LRRC72: variants seen among roughly 807,000 people sequenced by gnomAD.
LRRC72 encodes leucine-rich repeat-containing protein 72.
A neutral mutation model predicts 35.8 loss-of-function variants in LRRC72; 41 were observed. The ratio of observed to expected loss-of-function variants is 1.15; its 90% confidence interval spans 0.89 to 1.49. LRRC72 has a LOEUF of 1.49. Among genes scored for constraint, LRRC72 ranks in the 40% most tolerant of loss-of-function variants. LRRC72 has a pLI of 0.00. For synonymous variants in LRRC72, 118 were observed against 119.2 expected, an observed-to-expected ratio of 0.99 and a Z score of 0.07; for missense variants, 389 against 330.7, an observed-to-expected ratio of 1.18 and a Z score of -1.37.
intron 3 of LRRC72, among the ~76,000 whole-genome samples, chr7:16,553,272 T>C (rs1416611230): frequency 6.6e-6 from 1 of 152,190 alleles, no homozygotes; most frequent in Non-Finnish European, 1.5e-5. Context: ...ATTAAAGAGC[T>C]CAGTTATGAT....
intron 3 of LRRC72, among the ~76,000 whole-genome samples, chr7:16,553,891 G>T (rs913651174): frequency 5.3e-5 from 8 of 152,110 alleles, no homozygotes; most frequent in Non-Finnish European, 1.0e-4. Context: ...TAATAATAAT[G>T]GTTAAATAAT....
chr7:16,531,427 C>A (rs56801039), intron 1 of LRRC72, among the ~76,000 whole-genome samples: 1,704 of 152,256 alleles, frequency 0.011, 32 homozygotes, highest in African/African-American at 0.04. Flanking sequence ...CCATCACTAG[C>A]GTACCTATCT....
At chr7:16,576,730 A>T (rs989135097) in intron 7 of LRRC72, among the ~76,000 whole-genome samples, 1 of 152,240 alleles carries the variant, frequency 6.6e-6, no homozygotes, top group Non-Finnish European at 1.5e-5. Context: ...TAAAATACCA[A>T]CAAGCTTTTA....
chr7:16,561,187 C>A (rs1291844908), intron 5 of LRRC72, among the ~76,000 whole-genome samples: 1 of 152,058 alleles, frequency 6.6e-6, no homozygotes, highest in Non-Finnish European at 1.5e-5. Context: ...CAAGAAAGAC[C>A]CAGTCTATAC....
At chr7:16,554,101 G>C (rs1782605178) in intron 3 of LRRC72, among the ~76,000 whole-genome samples, 1 of 152,188 alleles carries the variant, frequency 6.6e-6, no homozygotes, top group Admixed American at 6.5e-5. Flanking sequence ...GGCCGAAGCG[G>C]GCAGATTATC....
chr7:16,565,609 T>A (rs1782816984), intron 5 of LRRC72, among the ~76,000 whole-genome samples: 1 of 152,204 alleles, frequency 6.6e-6, no homozygotes, highest in East Asian at 1.9e-4. Context: ...TCCCAAGGGA[T>A]ATGATGTCAA....
At chr7:16,559,349 G>A (rs537097808) in intron 5 of LRRC72, among the ~76,000 whole-genome samples, 239 of 151,898 alleles carry the variant, frequency 1.6e-3, no homozygotes, top group Non-Finnish European at 2.6e-3. Context: ...AGCCAAGATC[G>A]CGCCACTGGA....
chr7:16,550,887 A>G (rs1267696532), intron 3 of LRRC72, among the ~76,000 whole-genome samples: 1 of 152,188 alleles, frequency 6.6e-6, no homozygotes, highest in African/African-American at 2.4e-5. Flanking sequence ...GAGCTAAGCC[A>G]TGTATTCAGC....
At chr7:16,543,261 C>A (rs1284460645) in intron 3 of LRRC72, among the ~76,000 whole-genome samples, 1 of 152,014 alleles carries the variant, frequency 6.6e-6, no homozygotes, top group Non-Finnish European at 1.5e-5. Flanking sequence ...AAAAACATTG[C>A]CCTGAGATAT....
chr7:16,527,114 A>G, intron 1 of LRRC72, 72 bp downstream of exon 1: 2 of 1,201,078 alleles, frequency 1.7e-6, no homozygotes, highest in Non-Finnish European at 2.4e-6. Flanking sequence ...CTCCTGCCTG[A>G]GGACTCCAGG....
At chr7:16,530,385 TC>T (rs1399372150) in intron 1 of LRRC72, 2 of 152,222 alleles carry the variant, frequency 1.3e-5, no homozygotes, top group Non-Finnish European at 2.9e-5. Flanking sequence ...ATTGGGGCCC[TC>T]AGTGGATTGG....
chr7:16,555,634 T>C (rs370993511), intron 3 of LRRC72, among the ~76,000 whole-genome samples: 5 of 152,100 alleles, frequency 3.3e-5, no homozygotes, highest in East Asian at 3.9e-4. Context: ...TAGCTGGCTA[T>C]GGCGGCATGT....
At chr7:16,550,003 G>T (rs1782520595) in intron 3 of LRRC72, among the ~76,000 whole-genome samples, 1 of 152,174 alleles carries the variant, frequency 6.6e-6, no homozygotes, top group Non-Finnish European at 1.5e-5. Flanking sequence ...AGGGTTGCTT[G>T]AGTCCAGGAG....
At chr7:16,574,434 T>C (rs922775915) in intron 7 of LRRC72, among the ~76,000 whole-genome samples, 2 of 151,968 alleles carry the variant, frequency 1.3e-5, no homozygotes, top group Non-Finnish European at 2.9e-5. Context: ...ATAAAGAAAA[T>C]GTGGCACATA....
At chr7:16,551,980 G>A (rs1348491230) in intron 3 of LRRC72, among the ~76,000 whole-genome samples, 1 of 152,126 alleles carries the variant, frequency 6.6e-6, no homozygotes, top group Non-Finnish European at 1.5e-5. Context: ...GATCTGATGC[G>A]ATTTCCAGGG....
At chr7:16,549,727 G>T (rs945629158) in intron 3 of LRRC72, among the ~76,000 whole-genome samples, 3 of 152,086 alleles carry the variant, frequency 2.0e-5, no homozygotes, top group African/African-American at 7.2e-5. Context: ...CTTGTTTAAT[G>T]GGGTGTAGTT....
At chr7:16,564,232 C>A (rs1462182762) in intron 5 of LRRC72, among the ~76,000 whole-genome samples, 1 of 152,172 alleles carries the variant, frequency 6.6e-6, no homozygotes, top group Admixed American at 6.5e-5. Context: ...AAGACAGTAA[C>A]CACAAAGCAG....
Position 16,581,385 on chromosome 7 carries a change from A to G in LRRC72, c.760A>G (p.Thr254Ala). ...GAGGTCCATGAAGAGATCAGTGATG[A>G]CTTTGACCTCTATGAACTGGGACAC... ...FVRSMKRSVM[T>A]LTSMNWDTVP... Residue 254 changes from threonine (T) to alanine (A), a missense_variant, in exon 9 of 9, where the codon ACT (threonine) becomes GCT (alanine). Coordinates refer to ENST00000401542, the MANE Select transcript of LRRC72 (RefSeq NM_001195280.2). The G allele has an allele frequency of 6.5e-7, 1 of 1,549,890 alleles. No homozygotes were observed. The highest frequency in any genetic ancestry group is 8.7e-7 in the Non-Finnish European group (1 of 1,146,552).
intron 5 of LRRC72, among the ~76,000 whole-genome samples, chr7:16,565,837 G>A (rs541095454): frequency 2.0e-5 from 3 of 152,342 alleles, no homozygotes; most frequent in East Asian, 3.9e-4. Context: ...GAGCAATGGT[G>A]TGGAGGAAGT....
Sources: allele counts gnomAD v4.1 joint callset (sites outside exome capture counted in the v4.1 genomes callset), GRCh38; gene constraint gnomAD v4.1.1; transcripts MANE v1.5; gene names NCBI Gene and HGNC (gene_info 2026-07-23, HGNC 2026-07-21).